Variants in IQCH observed in about 807,000 individuals in gnomAD.
IQCH encodes IQ domain-containing protein H.
A neutral mutation model predicts 117.0 loss-of-function variants in IQCH; 98 were observed. That is an observed-to-expected ratio of 0.84 (90% CI 0.71 to 0.99). The LOEUF (loss-of-function observed/expected upper bound fraction) is 0.99, where lower values mean the gene tolerates loss of function less well. Ranked by LOEUF, IQCH falls within the 50% of genes least tolerant of loss-of-function variation. The probability of loss-of-function intolerance (pLI) is 0.00; values close to 1 mark genes in which losing one functional copy is unlikely to be tolerated. For synonymous variants in IQCH, 412 were observed against 448.2 expected (o/e 0.92, Z 1.02); for missense variants, 1,102 against 1,243.8 (o/e 0.89, Z 1.72).
intron 4 of IQCH, among the ~76,000 whole-genome samples, chr15:67,295,351 A>G (rs1966846052): frequency 6.6e-6 from 1 of 152,170 alleles, no homozygotes; most frequent in Non-Finnish European, 1.5e-5. Context: ...GATTATAGCT[A>G]TATGGCCAAG....
chr15:67,331,191 G>T (rs964132097), intron 4 of IQCH, among the ~76,000 whole-genome samples: 1 of 152,128 alleles, frequency 6.6e-6, no homozygotes, highest in African/African-American at 2.4e-5. Context: ...CGAAAGCAAG[G>T]GAGGGGAAAT....
At chr15:67,255,548 A>G (rs1965132331) in intron 1 of IQCH, among the ~76,000 whole-genome samples, 1 of 152,256 alleles carries the variant, frequency 6.6e-6, no homozygotes. Flanking sequence ...AGTTGCACTC[A>G]GATGTTTCTG....
intron 5 of IQCH, among the ~76,000 whole-genome samples, chr15:67,341,616 C>T (rs1224811254): frequency 1.3e-5 from 2 of 152,088 alleles, no homozygotes; most frequent in South Asian, 2.1e-4. Flanking sequence ...TTTTGCTCAT[C>T]TCAGTGGGAT....
At position 67,448,157 on chromosome 15, in the gene IQCH, C is replaced by CTGTGTG. The variant is rs113292992; in HGVS notation, c.2506-16952_2506-16947dup. 5.6e-4 allele frequency among the ~76,000 whole-genome samples: 83 copies of CTGTGTG among 147,682 alleles called. No individual in the cohort carries two copies. In the South Asian group the frequency reaches 9.9e-3, roughly 18 times the overall value. On this transcript the variant is annotated intron_variant, in intron 16 of 20. Transcript: ENST00000335894. ...GTACAGGTATCCATCCTAAGTGACT[C>CTGTGTG]TGTGTGTGTGTGTGTGTGTGTGTAA...
At chr15:67,291,673 C>G (rs1249843667) in intron 4 of IQCH, among the ~76,000 whole-genome samples, 5 of 152,104 alleles carry the variant, frequency 3.3e-5, no homozygotes, top group African/African-American at 9.7e-5. Context: ...AATATCAGAG[C>G]AGGCAAAGGT....
At chr15:67,334,828 C>T (rs976573473) in intron 4 of IQCH, among the ~76,000 whole-genome samples, 3 of 152,178 alleles carry the variant, frequency 2.0e-5, no homozygotes, top group East Asian at 1.9e-4. Flanking sequence ...TTTTCCATTG[C>T]TCATGAAATT....
Position 67,416,410 on chromosome 15 carries a change from G to A in IQCH, c.2098-521G>A, listed in dbSNP as rs1208089619. Among the ~76,000 whole-genome samples, 1 of 151,934 alleles carries A rather than the reference G, an allele frequency of 6.6e-6. No homozygotes were observed. The highest frequency in any genetic ancestry group is 1.5e-5 in the Non-Finnish European group (1 of 67,978). ...CGCATGCCTGTAGTCCCAGCTACTC[G>A]GGAGGCTGAGGCAGGAGAATCACTT... is the stretch of plus-strand genomic sequence containing the variant. On this transcript the variant is annotated intron_variant, in intron 14 of 20. Coordinates refer to ENST00000335894, the MANE Select transcript of IQCH (RefSeq NM_001031715.3). The surrounding 1 kb of genome is among the most constrained non-coding windows in gnomAD (Gnocchi z 5.1).
At chr15:67,348,505 A>G (rs948106770) in intron 6 of IQCH, among the ~76,000 whole-genome samples, 2 of 152,214 alleles carry the variant, frequency 1.3e-5, no homozygotes, top group Admixed American at 1.3e-4. Flanking sequence ...CGAATATTAA[A>G]AAAATACCAT....
At chr15:67,322,990 A>G (rs1786711251) in intron 4 of IQCH, among the ~76,000 whole-genome samples, 1 of 152,204 alleles carries the variant, frequency 6.6e-6, no homozygotes, top group South Asian at 2.1e-4. Context: ...ATAGGTGAAC[A>G]GTGGGTTCAA....
At chr15:67,468,140 C>T (rs2414959) in intron 17 of IQCH, among the ~76,000 whole-genome samples, 2,174 of 152,274 alleles carry the variant, frequency 0.014, 31 homozygotes, top group African/African-American at 0.029. Context: ...CTGTCCAAAC[C>T]GGCATCAATC....
At chr15:67,289,808 T>C (rs1966691003) in intron 4 of IQCH, among the ~76,000 whole-genome samples, 1 of 152,098 alleles carries the variant, frequency 6.6e-6, no homozygotes, top group South Asian at 2.1e-4. Flanking sequence ...TGATGAGTAA[T>C]GTAGTTGAAG....
At chr15:67,343,444 C>T (rs571731482) in intron 5 of IQCH, among the ~76,000 whole-genome samples, 3 of 152,298 alleles carry the variant, frequency 2.0e-5, no homozygotes, top group Admixed American at 2.0e-4. Context: ...TGTCTCTTAT[C>T]CTTCAAAAGA....
intron 4 of IQCH, among the ~76,000 whole-genome samples, chr15:67,310,208 G>A (rs1352762404): frequency 6.6e-6 from 1 of 152,012 alleles, no homozygotes; most frequent in East Asian, 1.9e-4. Context: ...AGCATTTTAA[G>A]TATAATAAAG....
intron 16 of IQCH, among the ~76,000 whole-genome samples, chr15:67,421,890 G>A (rs551023595): frequency 6.6e-6 from 1 of 152,188 alleles, no homozygotes; most frequent in East Asian, 1.9e-4. Context: ...CTTGAGCTCA[G>A]AAGTTCAAGA....
At chr15:67,258,628 C>T (rs1021676318) in intron 1 of IQCH, among the ~76,000 whole-genome samples, 7 of 151,930 alleles carry the variant, frequency 4.6e-5, no homozygotes, top group African/African-American at 1.7e-4. Context: ...TTTTATATTG[C>T]TTTTGACAAT....
chr15:67,363,088 T>C (rs1970203403), intron 8 of IQCH, among the ~76,000 whole-genome samples: 1 of 152,148 alleles, frequency 6.6e-6, no homozygotes, highest in East Asian at 1.9e-4. Context: ...TCCAAAGCTA[T>C]TTTTTTCTCT....
At chr15:67,312,735 A>T (rs1417711835) in intron 4 of IQCH, among the ~76,000 whole-genome samples, 1 of 152,182 alleles carries the variant, frequency 6.6e-6, no homozygotes, top group African/African-American at 2.4e-5. Context: ...AAATGAAGCA[A>T]AGGAAAAATA....
At position 67,384,801 on chromosome 15, in the gene IQCH, TGGGTTGTTTC is replaced by T. The variant is rs1341089708; in HGVS notation, c.1373-134_1373-125del. ...AAACAAGCACCTCATTCTTCGGGAT[TGGGTTGTTTC>T]TGTAAGATGCTTCAGAGAAAATTTT... On this transcript the variant is annotated intron_variant, in intron 10 of 20. Coordinates refer to ENST00000335894, the MANE Select transcript of IQCH (RefSeq NM_001031715.3). This position sits in a 1 kb window ranked among gnomAD's most constrained non-coding sequence, Gnocchi z 4.3. 4 of 629,600 alleles carry T rather than the reference TGGGTTGTTTC, an allele frequency of 6.4e-6. No individual in the cohort carries two copies. The highest frequency in any genetic ancestry group is 2.8e-4 in the Middle Eastern group (1 of 3,582). The allele number at this position is 629,600 out of a possible 1,614,324, so 39.0% of individuals were successfully genotyped here. A position where few individuals can be genotyped will look rare whatever the true frequency, so the allele number is the denominator to read the frequency against.
chr15:67,425,529 T>C lies in IQCH; in HGVS notation c.2505+3952T>C, dbSNP rs370854083. On this transcript the variant is annotated intron_variant, in intron 16 of 20. Transcript: ENST00000335894. This position sits in a 1 kb window ranked among gnomAD's most constrained non-coding sequence, Gnocchi z 5.5. ...CGGGAGGCTAAGGCAGGAGAATCACTTGAACCCAGGAGGTGGAGGTTGCAG... is the reference window on the plus strand; with the variant it reads ...CGGGAGGCTAAGGCAGGAGAATCACCTGAACCCAGGAGGTGGAGGTTGCAG... Among the ~76,000 whole-genome samples, 1 of 152,300 alleles carries C rather than the reference T, an allele frequency of 6.6e-6. No individual in the cohort carries two copies. Among genetic ancestry groups the C allele is most frequent in the South Asian group, 2.1e-4 (1 of 4,828 alleles).
Sources: allele counts gnomAD v4.1 joint callset (sites outside exome capture counted in the v4.1 genomes callset), GRCh38; gene constraint gnomAD v4.1.1; non-coding constraint Gnocchi (gnomAD v3.1); transcripts MANE v1.5; gene names NCBI Gene and HGNC (gene_info 2026-07-23, HGNC 2026-07-21).